FAM110B: variants seen among roughly 807,000 people sequenced by gnomAD.
FAM110B encodes the protein family with sequence similarity 110 member B.
In FAM110B, 6 loss-of-function variants were observed where a neutral mutation model predicts 20.4. The observed-to-expected ratio is 0.29, with a 90% CI of 0.16 to 0.58. The LOEUF is 0.58. Ranked by LOEUF, FAM110B falls within the 20% of genes least tolerant of loss-of-function variation. The pLI, the probability that FAM110B is intolerant of heterozygous loss-of-function variation, is 0.90. For missense variants in FAM110B, 434 were observed against 498.2 expected, an observed-to-expected ratio of 0.87 and a Z score of 1.23; for synonymous variants, 226 against 214.1, an observed-to-expected ratio of 1.06 and a Z score of -0.49.
At chr8:58,100,327 G>A (rs1286355435) in intron 3 of FAM110B, among the ~76,000 whole-genome samples, 3 of 151,940 alleles carry the variant, frequency 2.0e-5, no homozygotes, top group Non-Finnish European at 4.4e-5. Context: ...GAAGCTGGGT[G>A]GGCTCCTTCA....
chr8:58,041,882 G>A (rs1480990835), intron 2 of FAM110B, among the ~76,000 whole-genome samples: 1 of 152,226 alleles, frequency 6.6e-6, no homozygotes, highest in Non-Finnish European at 1.5e-5. Context: ...GACTTCTGCT[G>A]TCAGTCAGGA....
chr8:58,095,056 T>G (rs996338249), intron 3 of FAM110B, among the ~76,000 whole-genome samples: 9 of 152,226 alleles, frequency 5.9e-5, no homozygotes, highest in Non-Finnish European at 1.0e-4. Flanking sequence ...TATAGTATTC[T>G]CTGATGGTAG....
intron 3 of FAM110B, among the ~76,000 whole-genome samples, chr8:58,103,475 A>G (rs1475327409): frequency 1.3e-5 from 2 of 152,066 alleles, no homozygotes; most frequent in Non-Finnish European, 2.9e-5. Context: ...TTCCAATTTC[A>G]TCCATGCCCC....
At chr8:58,086,102 T>G (rs1806326185) in intron 3 of FAM110B, among the ~76,000 whole-genome samples, 1 of 152,220 alleles carries the variant, frequency 6.6e-6, no homozygotes, top group Non-Finnish European at 1.5e-5. Context: ...AACGCTGTGT[T>G]CATCACCTAT....
At chr8:58,042,205 A>G (rs1472007256) in intron 2 of FAM110B, among the ~76,000 whole-genome samples, 4 of 152,236 alleles carry the variant, frequency 2.6e-5, no homozygotes, top group Non-Finnish European at 4.4e-5. Flanking sequence ...TATGGTACTA[A>G]TTGCATTTAT....
intron 1 of FAM110B, among the ~76,000 whole-genome samples, chr8:58,014,581 G>A (rs750340225): frequency 6.6e-5 from 10 of 152,210 alleles, no homozygotes; most frequent in Non-Finnish European, 1.5e-4. Context: ...CAGAGAAGAT[G>A]ACCTTTGATG....
intron 3 of FAM110B, among the ~76,000 whole-genome samples, chr8:58,093,235 C>G (rs571505951): frequency 1.3e-5 from 2 of 152,264 alleles, no homozygotes; most frequent in South Asian, 4.1e-4. Flanking sequence ...TTTTGCTATG[C>G]AGAAGCTCTT....
chr8:58,115,116 TC>T (rs1298827494), intron 3 of FAM110B, among the ~76,000 whole-genome samples: 5 of 152,162 alleles, frequency 3.3e-5, no homozygotes. Flanking sequence ...CCAAAATATT[TC>T]ATTGCTCATC....
intron 2 of FAM110B, among the ~76,000 whole-genome samples, chr8:58,050,071 C>A (rs1205896164): frequency 6.6e-6 from 1 of 152,072 alleles, no homozygotes; most frequent in Non-Finnish European, 1.5e-5. Flanking sequence ...TTCAATTTTA[C>A]CATTGCTGAG....
intron 2 of FAM110B, chr8:58,032,253 C>T (rs1351331826): frequency 6.6e-6 from 1 of 152,224 alleles, no homozygotes; most frequent in African/African-American, 2.4e-5. Flanking sequence ...ATTATAATCA[C>T]TCATGGGGAT....
intron 1 of FAM110B, among the ~76,000 whole-genome samples, chr8:58,029,742 A>G (rs1437799428): frequency 1.3e-5 from 2 of 152,184 alleles, no homozygotes; most frequent in African/African-American, 4.8e-5. Context: ...AAATGAGTCA[A>G]CTGGAGCAGA....
chr8:58,126,470 C>T (rs1807507041), intron 3 of FAM110B, among the ~76,000 whole-genome samples: 1 of 152,084 alleles, frequency 6.6e-6, no homozygotes, highest in Non-Finnish European at 1.5e-5. Context: ...AAGAAACTGC[C>T]CAGCTATTTA....
intron 1 of FAM110B, among the ~76,000 whole-genome samples, chr8:58,011,899 A>T (rs1339321002): frequency 6.6e-6 from 1 of 151,878 alleles, no homozygotes; most frequent in East Asian, 1.9e-4. Context: ...GTTATGTTAG[A>T]CCCCCTCGGA....
intron 2 of FAM110B, among the ~76,000 whole-genome samples, 166 bp from the exon 3 acceptor site, chr8:58,075,368 CT>C (rs1285144412): frequency 6.6e-6 from 1 of 151,920 alleles, no homozygotes; most frequent in Non-Finnish European, 1.5e-5. Context: ...ATCTGCCCCC[CT>C]CGGCCTCCCA....
At chr8:58,054,174 A>G (rs1398865804) in intron 2 of FAM110B, among the ~76,000 whole-genome samples, 1 of 152,234 alleles carries the variant, frequency 6.6e-6, no homozygotes, top group Non-Finnish European at 1.5e-5. Context: ...CTATGAACTG[A>G]AAAACCTTTA....
chr8:58,134,042 A>G (rs1300057561), intron 3 of FAM110B, among the ~76,000 whole-genome samples: 1 of 152,218 alleles, frequency 6.6e-6, no homozygotes, highest in African/African-American at 2.4e-5. Context: ...ATGTGCTGCA[A>G]TAAATAGGTG....
intron 3 of FAM110B, among the ~76,000 whole-genome samples, chr8:58,110,560 A>G (rs1462888811): frequency 6.6e-6 from 1 of 152,208 alleles, no homozygotes; most frequent in Non-Finnish European, 1.5e-5. Context: ...TATTTCAAAG[A>G]TACTTTACCT....
intron 3 of FAM110B, among the ~76,000 whole-genome samples, chr8:58,119,950 T>C (rs1380396346): frequency 6.6e-6 from 1 of 152,180 alleles, no homozygotes; most frequent in African/African-American, 2.4e-5. Context: ...TTCTGGGAAA[T>C]GTAGCCAGTA....
chr8:58,135,291 T>G (rs1004595092), intron 3 of FAM110B, among the ~76,000 whole-genome samples: 3 of 152,224 alleles, frequency 2.0e-5, no homozygotes, highest in African/African-American at 7.2e-5. Flanking sequence ...GGGGACAACA[T>G]ATGTGCCTAA....
Sources: gnomAD v4.1 joint callset for allele counts (sites outside exome capture counted in the v4.1 genomes callset) on GRCh38, gnomAD v4.1.1 for gene constraint, MANE v1.5 for transcripts, NCBI Gene and HGNC (gene_info 2026-07-23, HGNC 2026-07-21) for gene names.